STRN: variants seen among roughly 807,000 people sequenced by gnomAD.
STRN encodes striatin, also known as protein phosphatase 2 regulatory subunit B'''alpha.
Under a neutral mutation model 96.3 loss-of-function variants are expected in STRN, and 53 were observed. The ratio of observed to expected loss-of-function variants is 0.55; its 90% CI spans 0.44 to 0.69. The LOEUF (loss-of-function observed/expected upper bound fraction) is 0.69. Ranked by LOEUF, STRN falls within the 30% of genes least tolerant of loss-of-function variation. STRN has a pLI of 0.00. For missense variants in STRN, 987 were observed against 963.9 expected, an observed-to-expected ratio of 1.02 and a Z score of -0.32; for synonymous variants, 428 against 355.9, an observed-to-expected ratio of 1.20 and a Z score of -2.28.
intron 3 of STRN, 72 bp from the exon 4 acceptor site, chr2:36,905,690 G>A (rs950935900): frequency 1.1e-4 from 139 of 1,257,078 alleles, no homozygotes; most frequent in Non-Finnish European, 1.5e-4. Context: ...CATTAATAAC[G>A]TCCAATAAAC....
rs1158709835 is a variant in STRN, at chr2:36,957,742, G to GTTTTTTTTTTTTTTT, written c.234+8487_234+8488insAAAAAAAAAAAAAAA. On this transcript the variant is annotated intron_variant, in intron 1 of 17. Coordinates refer to ENST00000263918, the MANE Select transcript of STRN (RefSeq NM_003162.4). ...GATTAGTCTCATAGTTCTTCTTTTT[G>GTTTTTTTTTTTTTTT]TCTTTTTTTTTTTTTTTTTTTTTTT... 7.7e-4 allele frequency among the ~76,000 whole-genome samples: 79 copies of GTTTTTTTTTTTTTTT among 103,108 alleles called. 15 individuals carry two copies. Among genetic ancestry groups the GTTTTTTTTTTTTTTT allele is most frequent in the Non-Finnish European group, 1.1e-3 (58 of 51,660 alleles). 67.6% of individuals were successfully genotyped at this position (103,108 alleles called of 152,430 possible).
chr2:36,907,269 G>C (rs948757976), intron 3 of STRN, among the ~76,000 whole-genome samples: 1 of 152,190 alleles, frequency 6.6e-6, no homozygotes, highest in African/African-American at 2.4e-5. Flanking sequence ...GTATTTACGG[G>C]ACAGGCACAG....
chr2:36,888,639 A>ATGTGTGTGTG (rs70946958), intron 7 of STRN, among the ~76,000 whole-genome samples: 3,671 of 145,174 alleles, frequency 0.025, 45 homozygotes, highest in Middle Eastern at 0.052. Context: ...TTTAATTTAT[A>ATGTGTGTGTG]TGTGTGTGTG....
chr2:36,935,226 G>A (rs1447233573), intron 1 of STRN, among the ~76,000 whole-genome samples: 1 of 151,982 alleles, frequency 6.6e-6, no homozygotes, highest in African/African-American at 2.4e-5. Flanking sequence ...TTCATTTTCG[G>A]ATTCTACCAA....
chr2:36,921,087 T>A (rs6544047), intron 2 of STRN, among the ~76,000 whole-genome samples: 73,405 of 150,622 alleles, frequency 0.49, 20,760 homozygotes, highest in African/African-American at 0.79. Context: ...GAAAAAAAAA[T>A]AATAATAATA....
chr2:36,905,065 GTT>G (rs1223469405), intron 4 of STRN, among the ~76,000 whole-genome samples: 1 of 151,508 alleles, frequency 6.6e-6, no homozygotes, highest in Non-Finnish European at 1.5e-5. Context: ...CACCTCCCGG[GTT>G]CAAGCAATTC....
chr2:36,865,211 G>A (rs1039182754), intron 12 of STRN, among the ~76,000 whole-genome samples: 5 of 152,150 alleles, frequency 3.3e-5, no homozygotes, highest in South Asian at 2.1e-4. Flanking sequence ...GTCTTGGGAC[G>A]TTGTTTCCAG....
rs916596143 is a variant in STRN at position 36,841,264 on chromosome 2, A to G, written c.*8192T>C. On this transcript the variant is annotated 3_prime_UTR_variant, in exon 18 of 18. Transcript: ENST00000263918. ...AAGAAAGTAAGTCTGAATGTTTCAG[A>G]GTTGGGAGAAAGCCTGATTCCTTCT... The G allele has an allele frequency of 2.0e-5, 3 of 151,716 alleles. No individual in the cohort carries two copies. The highest frequency in any genetic ancestry group is 2.1e-4 in the South Asian group (1 of 4,810). 9.4% of individuals were successfully genotyped at this position (151,716 alleles called of 1,614,324 possible). A position where few individuals can be genotyped will look rare whatever the true frequency, so the allele number is the denominator to read the frequency against.
At position 36,886,768 on chromosome 2, in the gene STRN, G is replaced by C. The variant is rs1449378466; in HGVS notation, c.990C>G (p.Thr330=). 16 of 1,613,100 alleles carry C rather than the reference G, an allele frequency of 9.9e-6. No homozygotes were observed. The highest frequency in any genetic ancestry group is 5.0e-5 in the Admixed American group (3 of 59,926). ...EAWNVDQGVI[T]KLKEQYKKER... ...CCTTTTTGTATTGTTCCTTGAGTTTGGTAATTACTCCCTGGTCCACATTCC... is the reference window on the plus strand; with the variant it reads ...CCTTTTTGTATTGTTCCTTGAGTTTCGTAATTACTCCCTGGTCCACATTCC... Residue 330 remains threonine (T), a synonymous_variant, in exon 8 of 18, where the codon ACC becomes ACG. Transcript: ENST00000263918.
At position 36,925,309 on chromosome 2, in the gene STRN, A is replaced by C. The variant is rs549460236; in HGVS notation, c.235-101T>G. 4 of 732,154 alleles carry C rather than the reference A, an allele frequency of 5.5e-6. No individual in the cohort carries two copies. The African/African-American group carries it at 7.1e-5, about 13-fold the overall frequency. 45.4% of individuals were successfully genotyped at this position (732,154 alleles called of 1,614,324 possible). A position where few individuals can be genotyped will look rare whatever the true frequency, so the allele number is the denominator to read the frequency against. Reference sequence around the variant, plus strand: ...GGAAGTTTGAACAATTAGATGCAAAAATATTTCCTTTACACATTTCTCACA... The same window carrying C: ...GGAAGTTTGAACAATTAGATGCAAACATATTTCCTTTACACATTTCTCACA... On this transcript the variant is annotated intron_variant, in intron 1 of 17. Coordinates refer to ENST00000263918, the MANE Select transcript of STRN (RefSeq NM_003162.4).
At chr2:36,905,693 C>A in intron 3 of STRN, 75 bp from the exon 4 acceptor site, 1 of 1,220,488 alleles carries the variant, frequency 8.2e-7, no homozygotes, top group Non-Finnish European at 1.2e-6. Flanking sequence ...TAATAACGTC[C>A]AATAAACATT....
At chr2:36,931,774 T>C (rs1670579621) in intron 1 of STRN, among the ~76,000 whole-genome samples, 1 of 152,116 alleles carries the variant, frequency 6.6e-6, no homozygotes, top group South Asian at 2.1e-4. Flanking sequence ...AACTCTGGAG[T>C]CAAGTAGAGA....
At chr2:36,948,711 G>A (rs935651270) in intron 1 of STRN, among the ~76,000 whole-genome samples, 3 of 152,050 alleles carry the variant, frequency 2.0e-5, no homozygotes, top group Non-Finnish European at 4.4e-5. Context: ...TTTATAAGAA[G>A]CAAGTAAAAA....
At chr2:36,960,175 T>A (rs1664993569) in intron 1 of STRN, among the ~76,000 whole-genome samples, 1 of 152,234 alleles carries the variant, frequency 6.6e-6, no homozygotes, top group African/African-American at 2.4e-5. Flanking sequence ...CATAATGTGG[T>A]TAGTAAATTT....
At chr2:36,960,650 A>C (rs10203552) in intron 1 of STRN, among the ~76,000 whole-genome samples, 9,560 of 152,280 alleles carry the variant, frequency 0.063, 394 homozygotes, top group East Asian at 0.13. Flanking sequence ...TAAGGCTCTG[A>C]GAGATCAGAA....
intron 2 of STRN, among the ~76,000 whole-genome samples, chr2:36,924,490 A>G (rs1470693606): frequency 6.6e-6 from 1 of 152,214 alleles, no homozygotes; most frequent in African/African-American, 2.4e-5. Context: ...TCCTTTAAAA[A>G]TTAAAAACTA....
At chr2:36,852,152 T>C in intron 15 of STRN, among the ~76,000 whole-genome samples, 1 of 152,212 alleles carries the variant, frequency 6.6e-6, no homozygotes, top group East Asian at 1.9e-4. Flanking sequence ...CTGTCAAAAT[T>C]GGTTCCTAAA....
At chr2:36,879,100 A>T (rs1668999616) in intron 9 of STRN, among the ~76,000 whole-genome samples, 1 of 143,702 alleles carries the variant, frequency 7.0e-6, no homozygotes, top group Non-Finnish European at 1.5e-5. Context: ...AGATGGAGTC[A>T]TGCTCTATGG....
intron 10 of STRN, among the ~76,000 whole-genome samples, chr2:36,874,241 G>T (rs1444653806): frequency 6.6e-6 from 1 of 150,854 alleles, no homozygotes; most frequent in Non-Finnish European, 1.5e-5. Context: ...TACAGCCTGG[G>T]CGACAAAGCA....
Sources: allele counts gnomAD v4.1 joint callset (sites outside exome capture counted in the v4.1 genomes callset), GRCh38; gene constraint gnomAD v4.1.1; transcripts MANE v1.5; gene names NCBI Gene and HGNC (gene_info 2026-07-23, HGNC 2026-07-21).